Variants in NLN observed in about 807,000 individuals in gnomAD.
NLN encodes the protein neurolysin, mitochondrial.
In NLN, 64 loss-of-function variants were observed where a neutral mutation model predicts 79.9. The observed-to-expected ratio is 0.80, with a 90% CI of 0.65 to 0.99. The LOEUF is 0.99. Ranked by LOEUF, NLN falls within the 50% of genes least tolerant of loss-of-function variation. NLN has a pLI of 0.00. For synonymous variants in NLN, 267 were observed against 296.6 expected (o/e 0.90, Z 1.02); for missense variants, 835 against 858.7 (o/e 0.97, Z 0.34).
intron 1 of NLN, among the ~76,000 whole-genome samples, chr5:65,734,113 G>A (rs1249675313): frequency 7.2e-6 from 1 of 138,472 alleles, no homozygotes; most frequent in Non-Finnish European, 1.6e-5. Context: ...TAGCCAGGAT[G>A]GTCTCAATCT....
intron 9 of NLN, among the ~76,000 whole-genome samples, chr5:65,794,657 G>A (rs1224076641): frequency 3.3e-5 from 5 of 152,044 alleles, no homozygotes; most frequent in Non-Finnish European, 5.9e-5. Flanking sequence ...TTAGTTTCTC[G>A]GTTTAGTTAC....
intron 3 of NLN, 86 bp downstream of exon 3, chr5:65,763,194 G>T: frequency 8.8e-7 from 1 of 1,136,344 alleles, no homozygotes; most frequent in Non-Finnish European, 1.3e-6. Flanking sequence ...ATACTGACTG[G>T]ATTTTCTTAG....
At chr5:65,735,168 C>T (rs1195939566) in intron 1 of NLN, among the ~76,000 whole-genome samples, 2 of 152,150 alleles carry the variant, frequency 1.3e-5, no homozygotes, top group Admixed American at 1.3e-4. Flanking sequence ...CTCCTTCCTG[C>T]CACCACATGA....
intron 1 of NLN, among the ~76,000 whole-genome samples, chr5:65,752,367 G>T (rs940206639): frequency 6.6e-6 from 1 of 152,182 alleles, no homozygotes; most frequent in East Asian, 1.9e-4. Flanking sequence ...AAGAAATCTA[G>T]TGTTTAATTA....
chr5:65,811,909 G>A (rs1760555846), intron 11 of NLN, among the ~76,000 whole-genome samples: 1 of 152,170 alleles, frequency 6.6e-6, no homozygotes, highest in Admixed American at 6.5e-5. Flanking sequence ...GCAAAGAGTA[G>A]GGTTAATATT....
chr5:65,766,997 GT>G (rs1759465986), intron 3 of NLN, among the ~76,000 whole-genome samples: 1 of 152,226 alleles, frequency 6.6e-6, no homozygotes, highest in Admixed American at 6.5e-5. Context: ...TGGTTCTCAG[GT>G]TACAACCCCT....
intron 9 of NLN, chr5:65,793,243 A>G: frequency 5.4e-6 from 1 of 185,476 alleles, no homozygotes; most frequent in East Asian, 1.6e-4. Flanking sequence ...AATACAGTCC[A>G]TTTAATTAGG....
At chr5:65,817,169 A>G (rs187854671) in intron 12 of NLN, among the ~76,000 whole-genome samples, 40 of 152,342 alleles carry the variant, frequency 2.6e-4, no homozygotes, top group African/African-American at 9.6e-4. Context: ...CTTACCTATA[A>G]TAGCCTAAAA....
At chr5:65,779,544 T>C (rs1470017585) in intron 4 of NLN, among the ~76,000 whole-genome samples, 1 of 152,230 alleles carries the variant, frequency 6.6e-6, no homozygotes, top group Admixed American at 6.5e-5. Flanking sequence ...TTGGTTTACT[T>C]CATAACCAGA....
chr5:65,783,008 C>T (rs144422203), intron 6 of NLN, among the ~76,000 whole-genome samples: 1 of 152,120 alleles, frequency 6.6e-6, no homozygotes, highest in South Asian at 2.1e-4. Flanking sequence ...TTAGTACCAC[C>T]CAATTTCTGG....
chr5:65,772,811 A>C (rs1380480926), intron 3 of NLN, among the ~76,000 whole-genome samples: 1 of 150,720 alleles, frequency 6.6e-6, no homozygotes, highest in African/African-American at 2.4e-5. Flanking sequence ...GCTGACTTCA[A>C]CCTCTGCCTC....
At chr5:65,732,925 C>T (rs1238374191) in intron 1 of NLN, 2 of 508,364 alleles carry the variant, frequency 3.9e-6, no homozygotes, top group Admixed American at 3.2e-5. Context: ...ATGATGGGAA[C>T]AAACTTGTGT....
chr5:65,736,624 C>G (rs1758733254), intron 1 of NLN, among the ~76,000 whole-genome samples: 1 of 145,908 alleles, frequency 6.9e-6, no homozygotes. Flanking sequence ...AATGGTATTA[C>G]TTGGCTTTTA....
intron 1 of NLN, among the ~76,000 whole-genome samples, chr5:65,727,692 C>T (rs1164350773): frequency 6.6e-6 from 1 of 152,154 alleles, no homozygotes; most frequent in Non-Finnish European, 1.5e-5. Flanking sequence ...AAGGTTGACT[C>T]AACAATATTT....
At chr5:65,766,289 A>C (rs777379819) in intron 3 of NLN, among the ~76,000 whole-genome samples, 3 of 152,242 alleles carry the variant, frequency 2.0e-5, no homozygotes, top group Non-Finnish European at 4.4e-5. Context: ...ATTGACTCAC[A>C]GTTCCACATG....
intron 1 of NLN, among the ~76,000 whole-genome samples, chr5:65,748,320 A>G (rs751345189): frequency 6.6e-6 from 1 of 152,226 alleles, no homozygotes; most frequent in Non-Finnish European, 1.5e-5. Flanking sequence ...ATGGAAAACT[A>G]AGAATCATGG....
chr5:65,810,225 A>G (rs1167696163), intron 11 of NLN, 60 bp downstream of exon 11: 2 of 1,435,568 alleles, frequency 1.4e-6, no homozygotes, highest in East Asian at 2.3e-5. Flanking sequence ...TTCTCCTAAC[A>G]CTGCAGGGGA....
At chr5:65,781,886 T>C (rs1759807267) in intron 6 of NLN, among the ~76,000 whole-genome samples, 2 of 152,194 alleles carry the variant, frequency 1.3e-5, no homozygotes, top group Non-Finnish European at 1.5e-5. Flanking sequence ...GACCAGGATC[T>C]CTGGGTGATA....
intron 2 of NLN, among the ~76,000 whole-genome samples, chr5:65,761,029 T>C (rs1367659393): frequency 6.6e-6 from 1 of 152,198 alleles, no homozygotes; most frequent in Non-Finnish European, 1.5e-5. Context: ...GAGTCCATTA[T>C]GCCTCTCACA....
Sources: allele counts gnomAD v4.1 joint callset (sites outside exome capture counted in the v4.1 genomes callset), GRCh38; gene constraint gnomAD v4.1.1; transcripts MANE v1.5; gene names NCBI Gene and HGNC (gene_info 2026-07-23, HGNC 2026-07-21).